The following OTULINL variants were observed in gnomAD, a reference collection of about 807,000 sequenced individuals.
The protein encoded by OTULINL is OTU deubiquitinase with linear linkage specificity like.
A neutral mutation model predicts 43.9 loss-of-function variants in OTULINL; 42 were observed. That is an observed-to-expected ratio of 0.96 (90% confidence interval 0.75 to 1.24). OTULINL has a LOEUF of 1.24. Among genes scored for constraint, OTULINL ranks in the 50% most tolerant of loss-of-function variants. OTULINL has a pLI of 0.00. For missense variants in OTULINL, 411 were observed against 426.4 expected (o/e 0.96, Z 0.32); for synonymous variants, 172 against 153.6 (o/e 1.12, Z -0.88).
At chr5:14,605,716 C>T (rs1003528751) in intron 5 of OTULINL, among the ~76,000 whole-genome samples, 1 of 152,150 alleles carries the variant, frequency 6.6e-6, no homozygotes, top group Admixed American at 6.5e-5. Context: ...TTCAGAGTTC[C>T]GTAAATCTCT....
Position 14,613,787 on chromosome 5 carries a change from TGGAGG to T in OTULINL, c.*3474_*3478del, listed in dbSNP as rs1759622609. Among the ~76,000 whole-genome samples the T allele has an allele frequency of 2.0e-5, 3 of 152,174 alleles. No homozygotes were observed. The highest frequency in any genetic ancestry group is 4.4e-5 in the Non-Finnish European group (3 of 68,030). ...ACCGGAGACCTCCAGACTAAGCTGG[TGGAGG>T]ATGGGCTCAACCTCCATGAGAGAAG... is the stretch of plus-strand genomic sequence containing the variant. On this transcript the variant is annotated 3_prime_UTR_variant, in exon 8 of 8. Transcript: ENST00000274217.
intron 1 of OTULINL, among the ~76,000 whole-genome samples, chr5:14,586,411 T>C (rs1043168524): frequency 3.9e-5 from 6 of 152,218 alleles, no homozygotes; most frequent in African/African-American, 1.2e-4. Flanking sequence ...ATAAAATGCT[T>C]ATGTTCATTT....
rs117391542 is a variant in OTULINL, at chr5:14,586,490, A to T, written c.64+4532A>T. ...TTCCTAGGTAATAAACAAAAATCCCAGAAACTGTAGCACATAAAATGCTAT... is the reference window on the plus strand; with the variant it reads ...TTCCTAGGTAATAAACAAAAATCCCTGAAACTGTAGCACATAAAATGCTAT... On this transcript the variant is annotated intron_variant, in intron 1 of 7. Coordinates refer to ENST00000274217, the MANE Select transcript of OTULINL (RefSeq NM_019018.3). Among the ~76,000 whole-genome samples the T allele has an allele frequency of 6.2e-4, 95 of 152,360 alleles. No individual in the cohort carries two copies. In the East Asian group the frequency reaches 0.016, roughly 26 times the overall value.
chr5:14,581,931 C>T lies in OTULINL; in HGVS notation c.37C>T (p.Arg13Trp). The change falls in exon 1 of 8, where the codon CGG becomes TGG. Residue 13 changes from arginine (R) to tryptophan (W), a missense_variant. Coordinates refer to ENST00000274217, the MANE Select transcript of OTULINL (RefSeq NM_019018.3). ...ATRSPTRARERERSGAPAAGS... is the reference protein window; with the variant it reads ...ATRSPTRAREWERSGAPAAGS... The stretch of plus-strand genomic sequence containing the variant: ...AAGGAGCCCCACGCGGGCAAGGGAG[C>T]GGGAGCGGTCTGGCGCTCCCGCCGC... 4.3e-6 allele frequency: 6 copies of T among 1,394,004 alleles called. No individual in the cohort carries two copies. Among genetic ancestry groups the T allele is most frequent in the Admixed American group, 2.9e-5 (1 of 34,246 alleles). 86.4% of individuals were successfully genotyped at this position (1,394,004 alleles called of 1,614,324 possible).
intron 1 of OTULINL, among the ~76,000 whole-genome samples, chr5:14,582,814 CAAAAAAAA>C (rs57907300): frequency 2.0e-4 from 11 of 55,016 alleles, no homozygotes; most frequent in African/African-American, 5.8e-4. Context: ...TTGCTCTGTC[CAAAAAAAA>C]AAAAAAAAAA....
chr5:14,596,640 C>G (rs1380140493), intron 1 of OTULINL, among the ~76,000 whole-genome samples: 1 of 151,856 alleles, frequency 6.6e-6, no homozygotes, highest in Non-Finnish European at 1.5e-5. Flanking sequence ...GCAGGACAGC[C>G]AAGTGGTAAA....
At position 14,612,713 on chromosome 5, in the gene OTULINL, C is replaced by CATTTAAATGTCTTTCTAACCGTATATG. The variant is rs1759601624; in HGVS notation, c.*2400_*2426dup. 7.2e-5 allele frequency: 11 copies of CATTTAAATGTCTTTCTAACCGTATATG among 152,132 alleles called. No individual in the cohort carries two copies. The highest frequency in any genetic ancestry group is 6.5e-4 in the Admixed American group (10 of 15,280). The allele number at this position is 152,132 out of a possible 1,614,324, so 9.4% of individuals were successfully genotyped here. ...AGGTGAGCTTCCTGGGTGATGCCAA[C>CATTTAAATGTCTTTCTAACCGTATATG]ATTTAAATGTCTTTCTAACCGTATA... On this transcript the variant is annotated 3_prime_UTR_variant, in exon 8 of 8. Coordinates refer to ENST00000274217, the MANE Select transcript of OTULINL (RefSeq NM_019018.3).
At position 14,614,755 on chromosome 5, in the gene OTULINL, A is replaced by AG; in HGVS notation, c.*4443dup. 2 of 398,652 alleles carry AG rather than the reference A, an allele frequency of 5.0e-6. No individual in the cohort carries two copies. Among genetic ancestry groups the AG allele is most frequent in the Non-Finnish European group, 4.4e-6 (1 of 226,076 alleles). The allele number at this position is 398,652 out of a possible 1,614,324, so 24.7% of individuals were successfully genotyped here. On this transcript the variant is annotated 3_prime_UTR_variant, in exon 8 of 8. Transcript: ENST00000274217. ...CAGTGTGGCCCAAGAGCCAGCATGG[A>AG]GGAGGGCTGTGTGAGCAGACTGCTA...
At chr5:14,597,817 C>T (rs1204093591) in intron 1 of OTULINL, among the ~76,000 whole-genome samples, 2 of 152,198 alleles carry the variant, frequency 1.3e-5, no homozygotes, top group Non-Finnish European at 2.9e-5. Flanking sequence ...CCCTTCTTGG[C>T]TGCAGTTACT....
intron 1 of OTULINL, among the ~76,000 whole-genome samples, chr5:14,584,219 G>A (rs1255659704): frequency 1.3e-5 from 2 of 152,036 alleles, no homozygotes; most frequent in East Asian, 3.9e-4. Flanking sequence ...GGCCAGACTC[G>A]GGCCATTAAC....
At chr5:14,602,366 A>G (rs1358766148) in intron 5 of OTULINL, 34 bp downstream of exon 5, 16 of 1,596,186 alleles carry the variant, frequency 1.0e-5, no homozygotes, top group Non-Finnish European at 1.4e-5. Context: ...GGGAAATGTC[A>G]TGTTGACAAT....
chr5:14,584,359 G>C (rs1336382838), intron 1 of OTULINL, among the ~76,000 whole-genome samples: 1 of 152,180 alleles, frequency 6.6e-6, no homozygotes, highest in Non-Finnish European at 1.5e-5. Context: ...GCCGGTGTTG[G>C]GGGAATAGGA....
intron 1 of OTULINL, among the ~76,000 whole-genome samples, chr5:14,595,969 T>C (rs1759280684): frequency 2.0e-5 from 3 of 152,186 alleles, no homozygotes; most frequent in Admixed American, 2.0e-4. Context: ...CCAAAAATAT[T>C]GAAAAGAAAT....
At chr5:14,583,640 G>A (rs149014263) in intron 1 of OTULINL, among the ~76,000 whole-genome samples, 1 of 152,216 alleles carries the variant, frequency 6.6e-6, no homozygotes, top group Non-Finnish European at 1.5e-5. Flanking sequence ...GGGATCTGCA[G>A]TTGGTGTGCA....
In OTULINL at chr5:14,611,619, T is replaced by C. The variant is rs1759583786; in HGVS notation, c.*1305T>C. On this transcript the variant is annotated 3_prime_UTR_variant, in exon 8 of 8. Transcript: ENST00000274217. Reference sequence around the variant, plus strand: ...GTTTAAGCCACTAAGTTTGTGGTAATGTGTTGTAGCAACAGAAAACTAGTA... The same window carrying C: ...GTTTAAGCCACTAAGTTTGTGGTAACGTGTTGTAGCAACAGAAAACTAGTA... 6.6e-6 allele frequency: 1 copy of C among 152,226 alleles called. No homozygotes were observed. Among genetic ancestry groups the C allele is most frequent in the Non-Finnish European group, 1.5e-5 (1 of 68,032 alleles). 9.4% of individuals were successfully genotyped at this position (152,226 alleles called of 1,614,324 possible).
intron 1 of OTULINL, 96 bp from the exon 2 acceptor site, chr5:14,600,869 A>G: frequency 9.1e-7 from 1 of 1,102,540 alleles, no homozygotes; most frequent in South Asian, 2.8e-5. Context: ...TTTGCAGGTA[A>G]AATTATGCAA....
intron 1 of OTULINL, among the ~76,000 whole-genome samples, chr5:14,595,085 C>G (rs1049675261): frequency 1.3e-5 from 2 of 152,156 alleles, no homozygotes; most frequent in Non-Finnish European, 2.9e-5. Flanking sequence ...TCTTCACTTT[C>G]TCTGCGACCT....
chr5:14,607,512 A>T (rs985655242), intron 6 of OTULINL, 54 bp downstream of exon 6: 2 of 1,601,468 alleles, frequency 1.2e-6, no homozygotes, highest in Non-Finnish European at 1.7e-6. Flanking sequence ...CATATCCCAG[A>T]TAGAGCCAGT....
intron 1 of OTULINL, among the ~76,000 whole-genome samples, chr5:14,588,357 A>T (rs1232307661): frequency 1.3e-5 from 2 of 152,064 alleles, no homozygotes; most frequent in African/African-American, 4.8e-5. Context: ...GCTGTCTAGG[A>T]CCGGACCCTG....
Sources: gnomAD v4.1 joint callset for allele counts (sites outside exome capture counted in the v4.1 genomes callset) on GRCh38, gnomAD v4.1.1 for gene constraint, MANE v1.5 for transcripts, NCBI Gene and HGNC (gene_info 2026-07-23, HGNC 2026-07-21) for gene names.